Variants in MATN3 observed in about 807,000 individuals in gnomAD.
The protein encoded by MATN3 is matrilin-3.
Under a neutral mutation model 45.3 loss-of-function variants are expected in MATN3, and 48 were observed. The ratio of observed to expected loss-of-function variants is 1.06; its 90% confidence interval spans 0.84 to 1.35. MATN3 has a LOEUF of 1.35. Ranked by LOEUF, MATN3 falls within the 40% of genes most tolerant of loss-of-function variation. The pLI, the probability that MATN3 is intolerant of heterozygous loss-of-function variation, is 0.00. For missense variants in MATN3, 599 were observed against 628.0 expected, an observed-to-expected ratio of 0.95 and a Z score of 0.49; for synonymous variants, 217 against 245.9, an observed-to-expected ratio of 0.88 and a Z score of 1.10.
chr2:20,009,792 T>G (rs1242131356), intron 1 of MATN3, among the ~76,000 whole-genome samples: 1 of 152,122 alleles, frequency 6.6e-6, no homozygotes, highest in African/African-American at 2.4e-5. Flanking sequence ...ATCCCAGGTC[T>G]TTAGGCAAAT....
At position 20,012,355 on chromosome 2, in the gene MATN3, C is replaced by G. The variant is rs1179402620; in HGVS notation, c.223+54G>C. ...GGGATGAAGCGCGCTTGGTGGATGCCCTGGGCTTCTCCTCGTTCGATGCTC... is the reference window on the plus strand; with the variant it reads ...GGGATGAAGCGCGCTTGGTGGATGCGCTGGGCTTCTCCTCGTTCGATGCTC... On this transcript the variant is annotated intron_variant, in intron 1 of 7. Coordinates refer to ENST00000407540, the MANE Select transcript of MATN3 (RefSeq NM_002381.5). This position sits in a 1 kb window ranked among gnomAD's most constrained non-coding sequence, Gnocchi z 4.3. 8.3e-7 allele frequency: 1 copy of G among 1,201,338 alleles called. No individual in the cohort carries two copies. The highest frequency in any genetic ancestry group is 1.6e-5 in the African/African-American group (1 of 63,622). 74.4% of individuals were successfully genotyped at this position (1,201,338 alleles called of 1,614,324 possible).
In MATN3 at chr2:19,995,918, A is replaced by T. The variant is rs1023969054; in HGVS notation, c.1294+1216T>A. On this transcript the variant is annotated intron_variant, in intron 6 of 7. Transcript: ENST00000407540. The surrounding 1 kb of genome is among the most constrained non-coding windows in gnomAD (Gnocchi z 4.2). ...GAATCCTATTGAACCTTTTAGGGAC[A>T]GCCAGTCCAAATCCCATCTTAGTTA... Among the ~76,000 whole-genome samples the T allele has an allele frequency of 6.6e-6, 1 of 152,254 alleles. No individual in the cohort carries two copies. The highest frequency in any genetic ancestry group is 2.4e-5 in the African/African-American group (1 of 41,470).
chr2:19,999,833 G>T (rs1471031862), intron 5 of MATN3, among the ~76,000 whole-genome samples: 1 of 152,092 alleles, frequency 6.6e-6, no homozygotes, highest in Non-Finnish European at 1.5e-5. Flanking sequence ...ACCCTGTCCT[G>T]CCAGTAAGTT....
rs1673089776 is a variant in MATN3, at chr2:20,005,833, G to A, written c.701C>T (p.Ala234Val). The change falls in exon 2 of 8, where the codon GCC becomes GTC. Residue 234 changes from alanine to valine, a missense_variant. Coordinates refer to ENST00000407540, the MANE Select transcript of MATN3 (RefSeq NM_002381.5). ...RADMASLKMMASEPLEEHVFY... is the reference protein window; with the variant it reads ...RADMASLKMMVSEPLEEHVFY... ...AACATGCTCCTCTAGGGGCTCACTG[G>A]CCATCATCTTGAGGGACGCCATGTC... 1 of 1,610,580 alleles carries A rather than the reference G, an allele frequency of 6.2e-7. No homozygotes were observed. The highest frequency in any genetic ancestry group is 8.5e-7 in the Non-Finnish European group (1 of 1,178,318).
At position 20,012,112 on chromosome 2, in the gene MATN3, C is replaced by A. The variant is rs1423185481; in HGVS notation, c.223+297G>T. Among the ~76,000 whole-genome samples, 1 of 152,202 alleles carries A rather than the reference C, an allele frequency of 6.6e-6. No homozygotes were observed. Among genetic ancestry groups the A allele is most frequent in the Non-Finnish European group, 1.5e-5 (1 of 68,022 alleles). Reference sequence around the variant, plus strand: ...TGGAGAGGTCAGGACTGGGACGGAGCTTAGCAGCAGCCGCTGGGCAGCAGC... The same window carrying A: ...TGGAGAGGTCAGGACTGGGACGGAGATTAGCAGCAGCCGCTGGGCAGCAGC... On this transcript the variant is annotated intron_variant, in intron 1 of 7. Transcript: ENST00000407540. This position sits in a 1 kb window ranked among gnomAD's most constrained non-coding sequence, Gnocchi z 4.3.
chr2:19,998,616 G>A (rs1226300403), intron 5 of MATN3, among the ~76,000 whole-genome samples: 2 of 152,038 alleles, frequency 1.3e-5, no homozygotes, highest in Non-Finnish European at 2.9e-5. Flanking sequence ...AATTAGCCAG[G>A]TGTGGTGGCA....
chr2:19,999,011 G>A (rs563760371), intron 5 of MATN3, among the ~76,000 whole-genome samples: 1 of 152,036 alleles, frequency 6.6e-6, no homozygotes, highest in African/African-American at 2.4e-5. Context: ...GTACATTACT[G>A]TATCTAAAAT....
At position 20,012,607 on chromosome 2, in the gene MATN3, G is replaced by T; in HGVS notation, c.25C>A (p.Arg9Ser). 8.2e-7 allele frequency: 1 copy of T among 1,220,112 alleles called. No individual in the cohort carries two copies. The highest frequency in any genetic ancestry group is 4.1e-5 in the South Asian group (1 of 24,362). The allele number at this position is 1,220,112 out of a possible 1,614,324, so 75.6% of individuals were successfully genotyped here. A position where few individuals can be genotyped will look rare whatever the true frequency, so the allele number is the denominator to read the frequency against. ...AGCAGCAGGAGGAGTCCCGGGAGGC[G>T]GCGCGCGGGGGCCGGGCGCGGCATG... MPRPAPAR[R>S]LPGLLLLLWP... Residue 9 changes from arginine (R) to serine (S), a missense_variant, in exon 1 of 8, where the codon CGC becomes AGC. Transcript: ENST00000407540. This position sits in a 1 kb window ranked among gnomAD's most constrained non-coding sequence, Gnocchi z 4.3.
At chr2:19,993,187 A>G in intron 7 of MATN3, 21 bp from the exon 8 acceptor site, 1 of 1,574,696 alleles carries the variant, frequency 6.4e-7, no homozygotes. Flanking sequence ...GTTAAGGCCA[A>G]CACCATTTAT....
Position 20,003,296 on chromosome 2 carries a change from G to A in MATN3, c.791-10C>T, listed in dbSNP as rs781038533. 2 of 1,606,814 alleles carry A rather than the reference G, an allele frequency of 1.2e-6. No individual in the cohort carries two copies. Among genetic ancestry groups the A allele is most frequent in the Non-Finnish European group, 8.5e-7 (1 of 1,174,918 alleles). ...ACACAGGGGTCCAGCGCTGTGAGAG[G>A]AAGTTTACAACAGTCAGCACTGACA... is the stretch of plus-strand genomic sequence containing the variant. On this transcript the variant is annotated splice_polypyrimidine_tract_variant and intron_variant, in intron 2 of 7. Coordinates refer to ENST00000407540, the MANE Select transcript of MATN3 (RefSeq NM_002381.5).
In MATN3 at chr2:19,995,636, A is replaced by G. The variant is rs971132662; in HGVS notation, c.1295-1227T>C. Among the ~76,000 whole-genome samples, 2 of 152,186 alleles carry G rather than the reference A, an allele frequency of 1.3e-5. No individual in the cohort carries two copies. The highest frequency in any genetic ancestry group is 2.9e-5 in the Non-Finnish European group (2 of 68,030). Reference sequence around the variant, plus strand: ...ATGAGAGGTGATAAAAGTAACTCCTATTTCTTTATGGAATTCAGTCAGGCA... The same window carrying G: ...ATGAGAGGTGATAAAAGTAACTCCTGTTTCTTTATGGAATTCAGTCAGGCA... On this transcript the variant is annotated intron_variant, in intron 6 of 7. Transcript: ENST00000407540. This position sits in a 1 kb window ranked among gnomAD's most constrained non-coding sequence, Gnocchi z 4.2.
chr2:20,003,097 C>G, intron 3 of MATN3, 64 bp downstream of exon 3: 1 of 1,595,092 alleles, frequency 6.3e-7, no homozygotes, highest in South Asian at 1.1e-5. Context: ...CAAGGCCAGT[C>G]CAAAACCTGG....
At position 19,993,031 on chromosome 2, in the gene MATN3, C is replaced by A. The variant is rs941316947; in HGVS notation, c.*80G>T. Reference sequence around the variant, plus strand: ...GGCAAATTATTAGCAGGAACATTGGCAATAACAGGTGTGCAAAAGAATGCA... The same window carrying A: ...GGCAAATTATTAGCAGGAACATTGGAAATAACAGGTGTGCAAAAGAATGCA... On this transcript the variant is annotated 3_prime_UTR_variant, in exon 8 of 8. Transcript: ENST00000407540. 6 of 1,073,058 alleles carry A rather than the reference C, an allele frequency of 5.6e-6. No homozygotes were observed. In the African/African-American group the frequency reaches 6.2e-5, roughly 11 times the overall value. 66.5% of individuals were successfully genotyped at this position (1,073,058 alleles called of 1,614,324 possible).
chr2:19,993,129 A>G lies in MATN3; in HGVS notation c.1443T>C (p.Tyr481=). 5.0e-6 allele frequency: 8 copies of G among 1,612,824 alleles called. No individual in the cohort carries two copies. The highest frequency in any genetic ancestry group is 6.8e-6 in the Non-Finnish European group (8 of 1,179,192). Residue 481 remains tyrosine, a synonymous_variant, in exon 8 of 8, where the codon TAT becomes TAC. Transcript: ENST00000407540. Reference sequence around the variant, plus strand: ...GAGCAATTTAACGATGTATTTGTCCATATTCATTTATTTTCAACTTCTCCA... The same window carrying G: ...GAGCAATTTAACGATGTATTTGTCCGTATTCATTTATTTTCAACTTCTCCA... The part of the protein sequence containing the change: ...DILEKLKINE[Y]GQIHR
At chr2:20,003,899 T>A (rs2103483009) in intron 2 of MATN3, 1 of 152,338 alleles carries the variant, frequency 6.6e-6, no homozygotes. Flanking sequence ...AGTGAACTCA[T>A]ATGCTAATAC....
chr2:19,999,649 AAG>A (rs1491161823), intron 5 of MATN3, among the ~76,000 whole-genome samples: 1 of 145,150 alleles, frequency 6.9e-6, no homozygotes, highest in Non-Finnish European at 1.5e-5. Flanking sequence ...AAAAAAAAAA[AAG>A]AGGGGACTGG....
chr2:19,994,236 T>G, intron 7 of MATN3, 63 bp downstream of exon 7: 1 of 1,006,928 alleles, frequency 9.9e-7, no homozygotes, highest in Non-Finnish European at 1.5e-6. Context: ...TTAAAGTGTT[T>G]GGCTCGATCG....
At chr2:20,002,161 TACAC>T (rs35083474) in intron 3 of MATN3, 81 bp from the exon 4 acceptor site, 688 of 643,396 alleles carry the variant, frequency 1.1e-3, no homozygotes, top group Non-Finnish European at 1.4e-3. Context: ...CTTACAGTTA[TACAC>T]ACACACACAC....
In MATN3 at chr2:20,005,826, C is replaced by A; in HGVS notation, c.708G>T (p.Glu236Asp). The change falls in exon 2 of 8, where the codon GAG becomes GAT. Residue 236 changes from glutamate (E) to aspartate (D), a missense_variant. Coordinates refer to ENST00000407540, the MANE Select transcript of MATN3 (RefSeq NM_002381.5). ...CGTAGAAAACATGCTCCTCTAGGGG[C>A]TCACTGGCCATCATCTTGAGGGACG... Reference protein sequence around the residue: ...DMASLKMMASEPLEEHVFYVE... With the variant: ...DMASLKMMASDPLEEHVFYVE... 1 of 1,610,694 alleles carries A rather than the reference C, an allele frequency of 6.2e-7. No individual in the cohort carries two copies. Among genetic ancestry groups the A allele is most frequent in the Non-Finnish European group, 8.5e-7 (1 of 1,178,322 alleles).
Sources: allele counts gnomAD v4.1 joint callset (sites outside exome capture counted in the v4.1 genomes callset), GRCh38; gene constraint gnomAD v4.1.1; non-coding constraint Gnocchi (gnomAD v3.1); transcripts MANE v1.5; gene names NCBI Gene and HGNC (gene_info 2026-07-23, HGNC 2026-07-21).